DCLK1: variants seen among roughly 807,000 people sequenced by gnomAD.
The protein encoded by DCLK1 is doublecortin like kinase 1.
In DCLK1, 16 loss-of-function variants were observed where a neutral mutation model predicts 86.2. The ratio of observed to expected loss-of-function variants is 0.19; its 90% confidence interval spans 0.13 to 0.28. The LOEUF (loss-of-function observed/expected upper bound fraction) is 0.28. Among genes scored for constraint, DCLK1 ranks in the 10% least tolerant of loss-of-function variants. The pLI is 1.00. For synonymous variants in DCLK1, 369 were observed against 370.5 expected, an observed-to-expected ratio of 1.00 and a Z score of 0.05; for missense variants, 590 against 940.2, an observed-to-expected ratio of 0.63 and a Z score of 4.87.
At chr13:36,124,410 T>C (rs1183000155) in intron 2 of DCLK1, among the ~76,000 whole-genome samples, 1 of 152,238 alleles carries the variant, frequency 6.6e-6, no homozygotes, top group East Asian at 1.9e-4. Context: ...AAAAGGGATG[T>C]GAATTCCCAC....
At chr13:35,954,420 T>C (rs1877867964) in intron 3 of DCLK1, among the ~76,000 whole-genome samples, 1 of 152,140 alleles carries the variant, frequency 6.6e-6, no homozygotes, top group Non-Finnish European at 1.5e-5. Flanking sequence ...TCTCCATTCT[T>C]AGCAATGAAC....
At position 35,847,106 on chromosome 13, in the gene DCLK1, G is replaced by C. The variant is rs181803221; in HGVS notation, c.1035+7393C>G. ...ACAATAGAAAAAAATCATAGTATTC[G>C]ATCTTGTTAATAATTGAAAACAAAG... On this transcript the variant is annotated intron_variant, in intron 6 of 16. Coordinates refer to ENST00000360631, the MANE Select transcript of DCLK1 (RefSeq NM_001330071.2). 5 of 974,974 alleles carry C rather than the reference G, an allele frequency of 5.1e-6. No homozygotes were observed. The Admixed American group carries it at 2.5e-4, about 48-fold the overall frequency. 60.4% of individuals were successfully genotyped at this position (974,974 alleles called of 1,614,324 possible).
At chr13:35,861,002 C>T (rs1278773680) in intron 5 of DCLK1, among the ~76,000 whole-genome samples, 3 of 152,128 alleles carry the variant, frequency 2.0e-5, no homozygotes, top group Non-Finnish European at 4.4e-5. Flanking sequence ...GAGCATGGGT[C>T]CAGAGAAGAA....
chr13:35,835,220 G>T (rs1309869160), intron 8 of DCLK1, among the ~76,000 whole-genome samples: 2 of 152,148 alleles, frequency 1.3e-5, no homozygotes, highest in African/African-American at 4.8e-5. Context: ...GCAGAGAAAG[G>T]TGACAGGGAA....
At chr13:35,918,314 G>C (rs1306131193) in intron 4 of DCLK1, among the ~76,000 whole-genome samples, 2 of 152,180 alleles carry the variant, frequency 1.3e-5, no homozygotes, top group African/African-American at 4.8e-5. Flanking sequence ...GTTGCAATAG[G>C]TAATACCCGG....
At chr13:35,954,939 C>T (rs900313826) in intron 3 of DCLK1, among the ~76,000 whole-genome samples, 2 of 152,034 alleles carry the variant, frequency 1.3e-5, no homozygotes, top group Non-Finnish European at 2.9e-5. Flanking sequence ...AGGAAAAGTT[C>T]TCCTTTGAAA....
At chr13:35,824,703 T>C (rs1272897610) in intron 10 of DCLK1, among the ~76,000 whole-genome samples, 1 of 152,140 alleles carries the variant, frequency 6.6e-6, no homozygotes, top group Non-Finnish European at 1.5e-5. Flanking sequence ...ACACATTATG[T>C]CGCTATTTTC....
At position 36,112,203 on chromosome 13, in the gene DCLK1, A is replaced by G; in HGVS notation, c.389T>C (p.Val130Ala). ...LDQLVEGESY[V>A]CGSIEPFKKL... ...CTTGAAGGGCTCTATGGAGCCACATACATAACTCTCTCCTAAGGAAGAGAG... is the reference window on the plus strand; with the variant it reads ...CTTGAAGGGCTCTATGGAGCCACATGCATAACTCTCTCCTAAGGAAGAGAG... Residue 130 changes from valine to alanine, a missense_variant, in exon 3 of 17, where the codon GTA (valine) becomes GCA (alanine). This residue lies in a region of DCLK1 where 195 missense variants were observed against 365.1 expected (regional missense o/e 0.53). Transcript: ENST00000360631. The G allele has an allele frequency of 6.3e-7, 1 of 1,581,830 alleles. No homozygotes were observed. The highest frequency in any genetic ancestry group is 8.6e-7 in the Non-Finnish European group (1 of 1,158,836).
chr13:36,069,133 T>C (rs1566668078), intron 3 of DCLK1, among the ~76,000 whole-genome samples: 1 of 152,194 alleles, frequency 6.6e-6, no homozygotes, highest in Non-Finnish European at 1.5e-5. Flanking sequence ...CGAAGTTTTG[T>C]AGGAATTGAT....
intron 6 of DCLK1, chr13:35,845,992 C>T (rs1175026063): frequency 1.0e-6 from 1 of 985,218 alleles, no homozygotes; most frequent in East Asian, 1.1e-4. Flanking sequence ...GTGTGAAACA[C>T]AAGGTACAAC....
At chr13:35,878,683 G>A (rs1872717992) in intron 4 of DCLK1, among the ~76,000 whole-genome samples, 2 of 152,116 alleles carry the variant, frequency 1.3e-5, no homozygotes, top group African/African-American at 2.4e-5. Flanking sequence ...TGTTTGAGGT[G>A]ATGGATACCC....
chr13:36,035,358 T>C (rs1050503652), intron 3 of DCLK1, among the ~76,000 whole-genome samples: 1 of 152,194 alleles, frequency 6.6e-6, no homozygotes, highest in African/African-American at 2.4e-5. Flanking sequence ...CCAAAACCTA[T>C]GTCTTACTAC....
chr13:35,921,474 T>C (rs575673680), intron 4 of DCLK1, among the ~76,000 whole-genome samples: 107 of 152,298 alleles, frequency 7.0e-4, no homozygotes, highest in African/African-American at 2.5e-3. Flanking sequence ...CAGAGAAGAC[T>C]TTCCTAAAAC....
intron 3 of DCLK1, among the ~76,000 whole-genome samples, chr13:36,054,565 C>A (rs963373143): frequency 3.3e-5 from 5 of 152,044 alleles, no homozygotes; most frequent in African/African-American, 1.2e-4. Context: ...ACCAAACAAA[C>A]AGACACTTGA....
At chr13:35,782,735 T>C (rs1447641197) in intron 16 of DCLK1, among the ~76,000 whole-genome samples, 1 of 152,254 alleles carries the variant, frequency 6.6e-6, no homozygotes, top group Non-Finnish European at 1.5e-5. Context: ...TACTAGGCAG[T>C]GGAGACATAG....
At chr13:35,866,492 A>G (rs113025609) in intron 5 of DCLK1, among the ~76,000 whole-genome samples, 27,411 of 149,266 alleles carry the variant, frequency 0.18, 3,002 homozygotes, top group African/African-American at 0.3. Context: ...TCACTCAGTC[A>G]TCCAGGCTGG....
At position 35,836,159 on chromosome 13, in the gene DCLK1, A is replaced by G. The variant is rs777440949; in HGVS notation, c.1121-18T>C. 6.9e-6 allele frequency: 11 copies of G among 1,587,250 alleles called. No homozygotes were observed. The Admixed American group carries it at 1.9e-4, about 28-fold the overall frequency. ...CGACACTTCTGAAAGAATCATTAAT[A>G]CTTTTTTATTGGTTGAAAAGGGAAC... On this transcript the variant is annotated intron_variant, in intron 7 of 16. Transcript: ENST00000360631.
chr13:35,863,817 C>A (rs77023880), intron 5 of DCLK1, among the ~76,000 whole-genome samples: 7,551 of 152,250 alleles, frequency 0.05, 638 homozygotes, highest in African/African-American at 0.17. Flanking sequence ...GATTAGAATT[C>A]TCTTCACTTC....
chr13:35,837,916 A>G (rs893626666), intron 7 of DCLK1, among the ~76,000 whole-genome samples: 1 of 151,952 alleles, frequency 6.6e-6, no homozygotes, highest in African/African-American at 2.4e-5. Flanking sequence ...AAATACAAAA[A>G]TTAGCTGGGC....
Sources: allele counts gnomAD v4.1 joint callset (sites outside exome capture counted in the v4.1 genomes callset), GRCh38; gene constraint gnomAD v4.1.1; regional missense constraint gnomAD v4.1.1; transcripts MANE v1.5; gene names NCBI Gene and HGNC (gene_info 2026-07-23, HGNC 2026-07-21).